Variants in C17orf113 observed in about 807,000 individuals in gnomAD.
C17orf113 encodes uncharacterized protein C17orf113.
Under a neutral mutation model 11.6 loss-of-function variants are expected in C17orf113, and 5 were observed. The observed-to-expected ratio is 0.43, with a 90% confidence interval of 0.23 to 0.91. The LOEUF (loss-of-function observed/expected upper bound fraction) is 0.91. C17orf113 is among the 40% of genes least tolerant of loss of function. The pLI, the probability that C17orf113 is intolerant of heterozygous loss-of-function variation, is 0.26. For missense variants in C17orf113, 714 were observed against 841.3 expected (o/e 0.85, Z 1.87); for synonymous variants, 327 against 390.6 (o/e 0.84, Z 1.92).
At chr17:42,047,364 G>A (rs1169672271) in intron 1 of C17orf113, among the ~76,000 whole-genome samples, 2 of 151,740 alleles carry the variant, frequency 1.3e-5, no homozygotes, top group East Asian at 1.9e-4. Flanking sequence ...TAGTAGAGAC[G>A]GGGTTTCACC....
At chr17:42,042,641 C>T (rs1333239263) in intron 2 of C17orf113, among the ~76,000 whole-genome samples, 193 bp downstream of exon 2, 3 of 152,198 alleles carry the variant, frequency 2.0e-5, no homozygotes, top group Admixed American at 6.5e-5. Context: ...CCTGGTCTGG[C>T]CTCTTCACTG....
chr17:42,048,580 C>T (rs189323420), intron 1 of C17orf113, among the ~76,000 whole-genome samples: 115 of 152,160 alleles, frequency 7.6e-4, no homozygotes, highest in African/African-American at 2.7e-3. Context: ...ATGCCCCTCT[C>T]CCAATCATCC....
rs1205304196 is a variant in C17orf113 at position 42,040,819 on chromosome 17, T to C, written c.914A>G (p.Glu305Gly). ...ATATTGACCCAAGTAGGCCGGGGGC[T>C]CAGGATCTGTCCGGCCAGGGAGACA... ...LHCLPGRTDPEPPAYLGQYES... is the reference protein window; with the variant it reads ...LHCLPGRTDPGPPAYLGQYES... Residue 305 changes from glutamate (E) to glycine (G), a missense_variant, in exon 3 of 3, where the codon GAG (glutamate) becomes GGG (glycine). Physicochemically the swap from Glu to Gly is moderately conservative, Grantham distance 98 (BLOSUM62 -2). Around this residue, in one of 3 missense-constraint regions of C17orf113, gnomAD observed 516 missense variants for 626.6 expected, o/e 0.82. Coordinates refer to ENST00000587304, the MANE Select transcript of C17orf113 (RefSeq NM_001358661.2). 1 of 1,232,120 alleles carries C rather than the reference T, an allele frequency of 8.1e-7. No homozygotes were observed. Among genetic ancestry groups the C allele is most frequent in the Non-Finnish European group, 1.0e-6 (1 of 988,028 alleles). The allele number at this position is 1,232,120 out of a possible 1,614,324, so 76.3% of individuals were successfully genotyped here.
chr17:42,048,997 C>T (rs945668861), intron 1 of C17orf113, among the ~76,000 whole-genome samples: 6 of 152,012 alleles, frequency 3.9e-5, no homozygotes, highest in Non-Finnish European at 8.8e-5. Flanking sequence ...ACCCACTCCT[C>T]TAAGGCCAGT....
In C17orf113 at chr17:42,039,831, G is replaced by C; in HGVS notation, c.1902C>G (p.Gly634=). 8.1e-7 allele frequency: 1 copy of C among 1,232,042 alleles called. No individual in the cohort carries two copies. Among genetic ancestry groups the C allele is most frequent in the East Asian group, 3.2e-5 (1 of 31,700 alleles). 76.3% of individuals were successfully genotyped at this position (1,232,042 alleles called of 1,614,324 possible). ...CGATCTTCACCATGTGGCCCCCCCG[G>C]CCTTCCCCGGCCCCACTCTGCCCCC... ...RWWGQSGAGE[G]RGGHMVKIAV... Residue 634 remains glycine (G), a synonymous_variant, in exon 3 of 3, where the codon GGC becomes GGG. Coordinates refer to ENST00000587304, the MANE Select transcript of C17orf113 (RefSeq NM_001358661.2).
In C17orf113 at chr17:42,050,174, C is replaced by A. The variant is rs1191252854; in HGVS notation, c.-188+383G>T. ...CTGACCAGCCGGATGGGAGCAGGAA[C>A]AACTTGACAAGGACCCCAAGGCATG... On this transcript the variant is annotated intron_variant, in intron 1 of 2. Coordinates refer to ENST00000587304, the MANE Select transcript of C17orf113 (RefSeq NM_001358661.2). This position sits in a 1 kb window ranked among gnomAD's most constrained non-coding sequence, Gnocchi z 5.6. Among the ~76,000 whole-genome samples the A allele has an allele frequency of 5.9e-5, 6 of 101,292 alleles. No individual in the cohort carries two copies. Among genetic ancestry groups the A allele is most frequent in the Admixed American group, 1.3e-4 (1 of 7,500 alleles). 66.5% of individuals were successfully genotyped at this position (101,292 alleles called of 152,430 possible).
chr17:42,047,863 C>T (rs1417874083), intron 1 of C17orf113, among the ~76,000 whole-genome samples: 2 of 152,014 alleles, frequency 1.3e-5, no homozygotes, highest in Non-Finnish European at 2.9e-5. Flanking sequence ...CCGTGTTGGT[C>T]AGGCTGGTCT....
rs1260155768 is a variant in C17orf113, at chr17:42,041,133, T to TGG, written c.598_599dup (p.Tyr201HisfsTer161). 8.1e-7 allele frequency: 1 copy of TGG among 1,232,102 alleles called. No individual in the cohort carries two copies. Among genetic ancestry groups the TGG allele is most frequent in the African/African-American group, 1.6e-5 (1 of 64,398 alleles). The allele number at this position is 1,232,102 out of a possible 1,614,324, so 76.3% of individuals were successfully genotyped here. The stretch of plus-strand genomic sequence containing the variant: ...TCTCGTCCAACACCAGCCCCACATA[T>TGG]GGGGATGCCTTCAGGCGCTGGCAGG... On this transcript the variant is annotated frameshift_variant, in exon 3 of 3. Coordinates refer to ENST00000587304, the MANE Select transcript of C17orf113 (RefSeq NM_001358661.2). LOFTEE classifies it low-confidence loss of function (END_TRUNC).
rs868906355 is a variant in C17orf113, at chr17:42,038,648, G to C, written c.*1057C>G. ...ATCCAGCCCATCTGGGGCTTTTTTC[G>C]ACCCTGTCATTGCAAAACCAAAAGT... On this transcript the variant is annotated 3_prime_UTR_variant, in exon 3 of 3. Transcript: ENST00000587304. The C allele has an allele frequency of 1.3e-5, 2 of 151,850 alleles. 1 individual carries two copies. Among genetic ancestry groups the C allele is most frequent in the Middle Eastern group, 6.8e-3 (2 of 292 alleles). The allele number at this position is 151,850 out of a possible 1,614,324, so 9.4% of individuals were successfully genotyped here.
chr17:42,048,527 A>G (rs2053217315), intron 1 of C17orf113, among the ~76,000 whole-genome samples: 1 of 152,140 alleles, frequency 6.6e-6, no homozygotes, highest in Non-Finnish European at 1.5e-5. Context: ...ACCCTGGGTG[A>G]CACAGCGAGA....
At chr17:42,041,984 A>G (rs1374120457) in intron 2 of C17orf113, among the ~76,000 whole-genome samples, 1 of 152,222 alleles carries the variant, frequency 6.6e-6, no homozygotes, top group Non-Finnish European at 1.5e-5. Context: ...AGATTTTTAT[A>G]TGTAATCTCC....
Position 42,038,378 on chromosome 17 carries a change from TG to T in C17orf113, c.*1326del. The T allele has an allele frequency of 2.8e-6, 1 of 352,070 alleles. No homozygotes were observed. The highest frequency in any genetic ancestry group is 4.7e-5 in the Admixed American group (1 of 21,326). 21.8% of individuals were successfully genotyped at this position (352,070 alleles called of 1,614,324 possible). A position where few individuals can be genotyped will look rare whatever the true frequency, so the allele number is the denominator to read the frequency against. ...CATGGCCAGGGCTGACAGGAGGGAA[TG>T]GGAAACCCATGGGCTCTGAAGGGAT... is the stretch of plus-strand genomic sequence containing the variant. On this transcript the variant is annotated 3_prime_UTR_variant, in exon 3 of 3. Transcript: ENST00000587304.
At position 42,039,078 on chromosome 17, in the gene C17orf113, C is replaced by T; in HGVS notation, c.*627G>A. 1 of 152,270 alleles carries T rather than the reference C, an allele frequency of 6.6e-6. No homozygotes were observed. The highest frequency in any genetic ancestry group is 1.5e-5 in the Non-Finnish European group (1 of 68,058). The allele number at this position is 152,270 out of a possible 1,614,324, so 9.4% of individuals were successfully genotyped here. On this transcript the variant is annotated 3_prime_UTR_variant, in exon 3 of 3. Coordinates refer to ENST00000587304, the MANE Select transcript of C17orf113 (RefSeq NM_001358661.2). ...CCAGCCTGGCCAACATGGTGAAACC[C>T]TGTCTCTACTAAAAATACATAAGTT...
At chr17:42,045,887 T>A (rs1182218033) in intron 1 of C17orf113, among the ~76,000 whole-genome samples, 1 of 152,190 alleles carries the variant, frequency 6.6e-6, no homozygotes, top group Non-Finnish European at 1.5e-5. Context: ...CCCCAGCCTC[T>A]GAATACTTCT....
rs1453811581 is a variant in C17orf113 at position 42,039,718 on chromosome 17, G to A, written c.2015C>T (p.Ser672Leu). 4.9e-6 allele frequency: 6 copies of A among 1,232,372 alleles called. No homozygotes were observed. Among genetic ancestry groups the A allele is most frequent in the African/African-American group, 1.6e-5 (1 of 64,426 alleles). 76.3% of individuals were successfully genotyped at this position (1,232,372 alleles called of 1,614,324 possible). ...AGGAGGCCACCCTCAGGTGAGCTGCGACCCCAGGAAGCCCTCTCCCCACCC... is the reference window on the plus strand; with the variant it reads ...AGGAGGCCACCCTCAGGTGAGCTGCAACCCCAGGAAGCCCTCTCCCCACCC... ...ESGWGEGFLG[S>L]QLT Residue 672 changes from serine to leucine, a missense_variant, in exon 3 of 3, where the codon TCG becomes TTG. Ser to Leu is a moderately radical substitution (Grantham distance 145, BLOSUM62 -2). Around this residue, in one of 3 missense-constraint regions of C17orf113, gnomAD observed 194 missense variants for 197.2 expected, o/e 0.98. Transcript: ENST00000587304.
intron 1 of C17orf113, among the ~76,000 whole-genome samples, chr17:42,043,912 T>G (rs1460397602): frequency 1.3e-5 from 2 of 151,748 alleles, no homozygotes; most frequent in African/African-American, 4.8e-5. Context: ...CAGGTAGTGG[T>G]TCTCAGGGCC....
chr17:42,038,422 TG>T lies in C17orf113; in HGVS notation c.*1282del. 4.0e-6 allele frequency: 1 copy of T among 247,770 alleles called. No individual in the cohort carries two copies. 15.3% of individuals were successfully genotyped at this position (247,770 alleles called of 1,614,324 possible). A position where few individuals can be genotyped will look rare whatever the true frequency, so the allele number is the denominator to read the frequency against. On this transcript the variant is annotated 3_prime_UTR_variant, in exon 3 of 3. Transcript: ENST00000587304. The stretch of plus-strand genomic sequence containing the variant: ...GAAGGGATGTGCTCCCCAGCTCTGA[TG>T]AGGCCTAAACTGCTTCCCCCAGGAG...
At position 42,040,281 on chromosome 17, in the gene C17orf113, G is replaced by T; in HGVS notation, c.1452C>A (p.Val484=). 5 of 1,231,668 alleles carry T rather than the reference G, an allele frequency of 4.1e-6. No individual in the cohort carries two copies. Among genetic ancestry groups the T allele is most frequent in the Non-Finnish European group, 5.1e-6 (5 of 987,892 alleles). 76.3% of individuals were successfully genotyped at this position (1,231,668 alleles called of 1,614,324 possible). A position where few individuals can be genotyped will look rare whatever the true frequency, so the allele number is the denominator to read the frequency against. The stretch of plus-strand genomic sequence containing the variant: ...ATCCCCGGAGCCACTCCAAGCCCCG[G>T]ACCGCAGCCTCGGAGTAACCGAGCA... ...VELLGYSEAA[V]RGLEWLRGSF... The change falls in exon 3 of 3, where the codon GTC becomes GTA. Residue 484 remains valine, a synonymous_variant. Coordinates refer to ENST00000587304, the MANE Select transcript of C17orf113 (RefSeq NM_001358661.2).
Position 42,040,134 on chromosome 17 carries a change from C to T in C17orf113, c.1599G>A (p.Leu533=). Residue 533 remains leucine (L), a synonymous_variant, in exon 3 of 3, where the codon CTG becomes CTA. Coordinates refer to ENST00000587304, the MANE Select transcript of C17orf113 (RefSeq NM_001358661.2). The stretch of plus-strand genomic sequence containing the variant: ...GCAGCGCCCCCTCGCCATGCGTGCC[C>T]AGCTCCTCCGGCGCCTGCGGGTAGC... The part of the protein sequence containing the change: ...PRRYPQAPEE[L]GTHGEGALRV... The T allele has an allele frequency of 8.1e-7, 1 of 1,231,452 alleles. No homozygotes were observed. The highest frequency in any genetic ancestry group is 1.0e-6 in the Non-Finnish European group (1 of 987,754). 76.3% of individuals were successfully genotyped at this position (1,231,452 alleles called of 1,614,324 possible).
Sources: allele counts gnomAD v4.1 joint callset (sites outside exome capture counted in the v4.1 genomes callset), GRCh38; gene constraint gnomAD v4.1.1; regional missense constraint gnomAD v4.1.1; non-coding constraint Gnocchi (gnomAD v3.1); transcripts MANE v1.5; gene names NCBI Gene and HGNC (gene_info 2026-07-23, HGNC 2026-07-21).